Variants in DGKI observed in about 807,000 individuals in gnomAD.
The protein encoded by DGKI is DAG kinase iota.
Under a neutral mutation model 147.5 loss-of-function variants are expected in DGKI, and 55 were observed. The observed-to-expected ratio is 0.37, with a 90% confidence interval of 0.30 to 0.47. The LOEUF (loss-of-function observed/expected upper bound fraction) is 0.47. Among genes scored for constraint, DGKI ranks in the 20% least tolerant of loss-of-function variants. DGKI has a pLI of 1.00. For synonymous variants in DGKI, 469 were observed against 477.1 expected (o/e 0.98, Z 0.22); for missense variants, 1,007 against 1,323.8 (o/e 0.76, Z 3.71).
intron 28 of DGKI, among the ~76,000 whole-genome samples, chr7:137,434,898 A>G (rs1026594147): frequency 2.6e-5 from 4 of 152,170 alleles, no homozygotes; most frequent in African/African-American, 9.6e-5. Context: ...AAAGAAGGCT[A>G]ACTAAGAAAA....
chr7:137,716,272 C>T (rs979158867), intron 1 of DGKI, among the ~76,000 whole-genome samples: 3 of 152,140 alleles, frequency 2.0e-5, no homozygotes, highest in Non-Finnish European at 4.4e-5. Context: ...ACAATCTGAA[C>T]GTTCATGAAA....
chr7:137,704,457 G>A (rs1793946630), intron 1 of DGKI, among the ~76,000 whole-genome samples: 1 of 151,940 alleles, frequency 6.6e-6, no homozygotes, highest in South Asian at 2.1e-4. Flanking sequence ...AATTGTAATT[G>A]TTCAATTAGA....
At chr7:137,752,935 G>C (rs762712377) in intron 1 of DGKI, among the ~76,000 whole-genome samples, 2 of 151,982 alleles carry the variant, frequency 1.3e-5, no homozygotes, top group Non-Finnish European at 2.9e-5. Context: ...CACCTGTTTT[G>C]GTTCCTGCAA....
At chr7:137,672,515 C>T (rs751697908) in intron 3 of DGKI, among the ~76,000 whole-genome samples, 13 of 152,142 alleles carry the variant, frequency 8.5e-5, no homozygotes, top group Non-Finnish European at 1.8e-4. Context: ...CTGTGGGGAA[C>T]CCAAACTGGG....
intron 8 of DGKI, among the ~76,000 whole-genome samples, chr7:137,610,057 G>T (rs973268552): frequency 4.1e-5 from 6 of 147,790 alleles, no homozygotes; most frequent in African/African-American, 1.2e-4. Flanking sequence ...TTTCTTTTTT[G>T]TTTTTTTTTT....
In DGKI at chr7:137,390,592, T is replaced by A. The variant is rs2128891865; in HGVS notation, c.*628A>T. The A allele has an allele frequency of 6.5e-6, 1 of 153,132 alleles. No individual in the cohort carries two copies. The highest frequency in any genetic ancestry group is 2.1e-4 in the South Asian group (1 of 4,852). 9.5% of individuals were successfully genotyped at this position (153,132 alleles called of 1,614,324 possible). A position where few individuals can be genotyped will look rare whatever the true frequency, so the allele number is the denominator to read the frequency against. Reference sequence around the variant, plus strand: ...AGCACACAAGTTGACATTATCCATGTGGCACTTCCCAGCTCCTATATAATG... The same window carrying A: ...AGCACACAAGTTGACATTATCCATGAGGCACTTCCCAGCTCCTATATAATG... On this transcript the variant is annotated 3_prime_UTR_variant, in exon 33 of 33. Transcript: ENST00000614521.
At chr7:137,637,564 A>G (rs1039838911) in intron 6 of DGKI, among the ~76,000 whole-genome samples, 5 of 152,262 alleles carry the variant, frequency 3.3e-5, no homozygotes, top group Non-Finnish European at 5.9e-5. Flanking sequence ...ACTTGAAGGT[A>G]CTTTTAGACT....
At chr7:137,800,526 A>G (rs1797170913) in intron 1 of DGKI, among the ~76,000 whole-genome samples, 1 of 152,180 alleles carries the variant, frequency 6.6e-6, no homozygotes, top group Non-Finnish European at 1.5e-5. Flanking sequence ...AAGCTTCCTC[A>G]GGCCTCACCA....
At chr7:137,719,084 T>C (rs1038511768) in intron 1 of DGKI, among the ~76,000 whole-genome samples, 7 of 152,184 alleles carry the variant, frequency 4.6e-5, no homozygotes, top group Admixed American at 4.6e-4. Context: ...GACTCTGAAA[T>C]GTAAACAGGG....
At chr7:137,844,020 T>C (rs1798637349) in intron 1 of DGKI, among the ~76,000 whole-genome samples, 1 of 151,998 alleles carries the variant, frequency 6.6e-6, no homozygotes, top group Non-Finnish European at 1.5e-5. Flanking sequence ...CACCAGACAC[T>C]GTCCTCAGGT....
Position 137,551,374 on chromosome 7 carries a change from T to G in DGKI, c.2147+995A>C, listed in dbSNP as rs565290304. 9.2e-5 allele frequency among the ~76,000 whole-genome samples: 14 copies of G among 152,158 alleles called. No homozygotes were observed. In the South Asian group the frequency reaches 1.0e-3, roughly 11 times the overall value. On this transcript the variant is annotated intron_variant, in intron 20 of 32. Transcript: ENST00000614521. The stretch of plus-strand genomic sequence containing the variant: ...TAAGGACTTCTGCATACCGTTATAT[T>G]GACTCAATAAATGCATGGCAAAGCA...
intron 19 of DGKI, among the ~76,000 whole-genome samples, chr7:137,563,623 T>A (rs567600148): frequency 2.0e-5 from 3 of 152,096 alleles, no homozygotes; most frequent in East Asian, 3.9e-4. Flanking sequence ...TGTATTTGTA[T>A]ATGTATAGAC....
At chr7:137,644,361 C>T (rs1456730885) in intron 6 of DGKI, among the ~76,000 whole-genome samples, 1 of 152,230 alleles carries the variant, frequency 6.6e-6, no homozygotes, top group Admixed American at 6.5e-5. Flanking sequence ...GAGGCCTATG[C>T]CCTGGAGGCT....
chr7:137,434,843 T>C (rs1813221545), intron 28 of DGKI, among the ~76,000 whole-genome samples: 1 of 152,230 alleles, frequency 6.6e-6, no homozygotes. Flanking sequence ...TGTTTTGTTC[T>C]GTTTTTTAAT....
intron 3 of DGKI, among the ~76,000 whole-genome samples, chr7:137,675,598 T>G (rs1823004443): frequency 1.3e-5 from 2 of 150,808 alleles, no homozygotes; most frequent in South Asian, 4.2e-4. Flanking sequence ...GGCAGGAGAA[T>G]TTCTTGAACC....
chr7:137,440,688 T>C (rs1813465782), intron 28 of DGKI, among the ~76,000 whole-genome samples: 1 of 152,222 alleles, frequency 6.6e-6, no homozygotes, highest in African/African-American at 2.4e-5. Context: ...CAGAGTGTTA[T>C]TTGTGAAAGA....
chr7:137,636,369 C>A (rs1821312868), intron 6 of DGKI, among the ~76,000 whole-genome samples: 1 of 152,308 alleles, frequency 6.6e-6, no homozygotes, highest in African/African-American at 2.4e-5. Context: ...TATAGTTTAT[C>A]CCATATCCTT....
intron 8 of DGKI, among the ~76,000 whole-genome samples, chr7:137,613,224 A>C (rs946923905): frequency 2.0e-5 from 3 of 152,098 alleles, no homozygotes; most frequent in Non-Finnish European, 4.4e-5. Context: ...TCCCAAATAA[A>C]GTCTCCCCCC....
At chr7:137,803,970 A>G (rs1478158620) in intron 1 of DGKI, among the ~76,000 whole-genome samples, 1 of 152,246 alleles carries the variant, frequency 6.6e-6, no homozygotes, top group Admixed American at 6.5e-5. Context: ...AAGCATGCCC[A>G]CTTTGCACAA....
Sources: allele counts gnomAD v4.1 joint callset (sites outside exome capture counted in the v4.1 genomes callset), GRCh38; gene constraint gnomAD v4.1.1; transcripts MANE v1.5; gene names NCBI Gene and HGNC (gene_info 2026-07-23, HGNC 2026-07-21).